Variants in PDE10A observed in about 807,000 individuals in gnomAD.
PDE10A encodes the protein cAMP and cAMP-inhibited cGMP 3',5'-cyclic phosphodiesterase 10A.
Under a neutral mutation model 97.7 loss-of-function variants are expected in PDE10A, and 39 were observed. The observed-to-expected ratio is 0.40, with a 90% CI of 0.31 to 0.52. PDE10A has a LOEUF of 0.52. Among genes scored for constraint, PDE10A ranks in the 20% least tolerant of loss-of-function variants. The pLI, the probability that PDE10A is intolerant of heterozygous loss-of-function variation, is 0.56. For missense variants in PDE10A, 731 were observed against 1,047.8 expected (o/e 0.70, Z 4.17); for synonymous variants, 371 against 376.8 (o/e 0.98, Z 0.18).
At chr6:165,854,502 G>A (rs1267728544) in intron 1 of PDE10A, among the ~76,000 whole-genome samples, 3 of 152,284 alleles carry the variant, frequency 2.0e-5, no homozygotes, top group East Asian at 3.9e-4. Flanking sequence ...CGGCTCTCGC[G>A]GCCAGACAAG....
rs114918229 is a variant in PDE10A at position 165,722,271 on chromosome 6, C to T, written c.-614-178703G>A. Among the ~76,000 whole-genome samples the T allele has an allele frequency of 7.9e-3, 1,204 of 152,314 alleles. 19 individuals carry two copies. Among genetic ancestry groups the T allele is most frequent in the African/African-American group, 0.028 (1,168 of 41,558 alleles). Reference sequence around the variant, plus strand: ...ATCTGTGGAGCACAGAAGGCAGCCTCCTTTCACCCAGCACTGCTCCGTGTG... The same window carrying T: ...ATCTGTGGAGCACAGAAGGCAGCCTTCTTTCACCCAGCACTGCTCCGTGTG... On this transcript the variant is annotated intron_variant, in intron 1 of 19. Coordinates refer to the PDE10A transcript ENST00000366882.
At chr6:165,540,038 T>G (rs1410459701) in intron 2 of PDE10A, among the ~76,000 whole-genome samples, 1 of 152,156 alleles carries the variant, frequency 6.6e-6, no homozygotes, top group Non-Finnish European at 1.5e-5. Flanking sequence ...GAGAAGCAAA[T>G]GTAGCGACCC....
At chr6:165,436,239 T>C (rs943628008) in intron 5 of PDE10A, among the ~76,000 whole-genome samples, 5 of 152,324 alleles carry the variant, frequency 3.3e-5, no homozygotes, top group African/African-American at 1.2e-4. Flanking sequence ...TGAAGACTAC[T>C]TGAAGCAATA....
chr6:165,863,304 C>A (rs1262859285), intron 1 of PDE10A, among the ~76,000 whole-genome samples: 1 of 152,132 alleles, frequency 6.6e-6, no homozygotes, highest in Non-Finnish European at 1.5e-5. Context: ...TTTACTGGGG[C>A]AAAGTAGAGG....
intron 1 of PDE10A, among the ~76,000 whole-genome samples, chr6:165,587,036 T>C (rs975650249): frequency 6.6e-6 from 1 of 152,162 alleles, no homozygotes; most frequent in Non-Finnish European, 1.5e-5. Context: ...CTCTGGGGGA[T>C]GTCACCAGCC....
At chr6:165,334,443 A>G (rs865975617) in intron 21 of PDE10A, among the ~76,000 whole-genome samples, 3 of 149,020 alleles carry the variant, frequency 2.0e-5, no homozygotes, top group Non-Finnish European at 4.5e-5. Flanking sequence ...AGCGCCCTAC[A>G]GCGCCGGGCA....
intron 1 of PDE10A, among the ~76,000 whole-genome samples, chr6:165,640,630 T>C (rs565287072): frequency 1.3e-5 from 2 of 152,338 alleles, no homozygotes; most frequent in Admixed American, 6.5e-5. Context: ...CTTCTAAACC[T>C]TCCTGTTCAG....
chr6:165,580,308 G>A (rs183260477), intron 1 of PDE10A, among the ~76,000 whole-genome samples: 8 of 152,282 alleles, frequency 5.3e-5, no homozygotes, highest in African/African-American at 1.9e-4. Context: ...GAAATTAAGT[G>A]AGCAACTAAG....
At chr6:165,499,816 G>A (rs544609787) in intron 2 of PDE10A, among the ~76,000 whole-genome samples, 1 of 152,226 alleles carries the variant, frequency 6.6e-6, no homozygotes, top group Non-Finnish European at 1.5e-5. Flanking sequence ...TGAAATGAAA[G>A]TTTTTAGACA....
intron 2 of PDE10A, among the ~76,000 whole-genome samples, chr6:165,529,909 T>C (rs963443127): frequency 3.9e-5 from 6 of 152,026 alleles, no homozygotes; most frequent in African/African-American, 1.4e-4. Context: ...GTCAACTTGA[T>C]TGGATTGGAG....
At chr6:165,473,693 A>G (rs943476648) in intron 3 of PDE10A, among the ~76,000 whole-genome samples, 3 of 152,234 alleles carry the variant, frequency 2.0e-5, no homozygotes, top group Non-Finnish European at 4.4e-5. Context: ...AAGCAAAGGA[A>G]AACACTGTGG....
intron 18 of PDE10A, among the ~76,000 whole-genome samples, chr6:165,347,138 T>G (rs1300789101): frequency 6.6e-6 from 1 of 152,176 alleles, no homozygotes; most frequent in Non-Finnish European, 1.5e-5. Context: ...CAAGGGATTT[T>G]AAATCATTGG....
intron 1 of PDE10A, among the ~76,000 whole-genome samples, chr6:165,677,823 G>T (rs1223034135): frequency 6.6e-6 from 1 of 151,992 alleles, no homozygotes; most frequent in East Asian, 1.9e-4. Context: ...TTGTATATAT[G>T]TGTGATGTGT....
chr6:165,422,342 CACATAT>C lies in PDE10A; in HGVS notation c.1654-3571_1654-3566del, dbSNP rs1254520165. 1.5e-3 allele frequency among the ~76,000 whole-genome samples: 171 copies of C among 113,844 alleles called. 7 individuals carry two copies. The highest frequency in any genetic ancestry group is 6.4e-3 in the African/African-American group (154 of 24,086). 74.7% of individuals were successfully genotyped at this position (113,844 alleles called of 152,430 possible). A position where few individuals can be genotyped will look rare whatever the true frequency, so the allele number is the denominator to read the frequency against. ...ATATACACACACAGGCATACACACA[CACATAT>C]GCATACACACATACGCATATACACA... On this transcript the variant is annotated intron_variant, in intron 10 of 21. Coordinates refer to ENST00000539869, the MANE Select transcript of PDE10A (RefSeq NM_001385079.1).
intron 18 of PDE10A, among the ~76,000 whole-genome samples, chr6:165,367,752 T>C (rs1048261220): frequency 6.6e-6 from 1 of 150,792 alleles, no homozygotes; most frequent in African/African-American, 2.4e-5. Context: ...CTAAGTCCAG[T>C]GAAAATATCT....
chr6:165,615,146 G>T (rs1344074300), intron 1 of PDE10A, among the ~76,000 whole-genome samples: 4 of 149,454 alleles, frequency 2.7e-5, no homozygotes, highest in Non-Finnish European at 5.9e-5. Context: ...GGAGGCGGAG[G>T]TTGCAGTGAG....
At chr6:165,608,917 G>C (rs1166447237) in intron 1 of PDE10A, among the ~76,000 whole-genome samples, 1 of 152,194 alleles carries the variant, frequency 6.6e-6, no homozygotes, top group African/African-American at 2.4e-5. Context: ...CTTCTTTTGA[G>C]AAGTGTCTGT....
intron 1 of PDE10A, among the ~76,000 whole-genome samples, chr6:165,758,426 A>C (rs566976048): frequency 6.6e-6 from 1 of 152,092 alleles, no homozygotes; most frequent in Non-Finnish European, 1.5e-5. Flanking sequence ...GTGTCACTGC[A>C]CTCCAGCCGG....
intron 2 of PDE10A, among the ~76,000 whole-genome samples, chr6:165,521,955 T>C (rs2128308585): frequency 6.6e-6 from 1 of 152,342 alleles, no homozygotes; most frequent in East Asian, 1.9e-4. Flanking sequence ...CTTATTTCAC[T>C]GAGCATAATT....
Sources: allele counts gnomAD v4.1 joint callset (sites outside exome capture counted in the v4.1 genomes callset), GRCh38; gene constraint gnomAD v4.1.1; transcripts MANE v1.5; gene names NCBI Gene and HGNC (gene_info 2026-07-23, HGNC 2026-07-21).